The following OXR1 variants were observed in gnomAD, a reference collection of about 807,000 sequenced individuals.
The protein encoded by OXR1 is oxidation resistance 1.
OXR1 carries 41 observed loss-of-function variants against 104.6 expected under a neutral mutation model. The observed-to-expected ratio is 0.39, with a 90% CI of 0.31 to 0.51. The LOEUF (loss-of-function observed/expected upper bound fraction) is 0.51, where lower values mean the gene tolerates loss of function less well. Among genes scored for constraint, OXR1 ranks in the 20% least tolerant of loss-of-function variants. The pLI is 0.77. For synonymous variants in OXR1, 348 were observed against 348.4 expected (o/e 1.00, Z 0.01); for missense variants, 955 against 1,031.9 (o/e 0.93, Z 1.02).
At chr8:106,392,499 T>A (rs754235075) in intron 2 of OXR1, among the ~76,000 whole-genome samples, 6 of 152,064 alleles carry the variant, frequency 3.9e-5, no homozygotes, top group Non-Finnish European at 8.8e-5. Context: ...GGTAGAGACA[T>A]GAGGGAATAT....
intron 2 of OXR1, among the ~76,000 whole-genome samples, chr8:106,473,929 A>G (rs1026977414): frequency 6.8e-6 from 1 of 148,050 alleles, no homozygotes; most frequent in Non-Finnish European, 1.5e-5. Context: ...TTTAAAAGCA[A>G]AAGTTTACTT....
intron 3 of OXR1, among the ~76,000 whole-genome samples, chr8:106,584,147 G>A (rs1286102252): frequency 2.6e-5 from 4 of 151,934 alleles, no homozygotes; most frequent in Non-Finnish European, 2.9e-5. Context: ...GAAGTTAAAG[G>A]TATAATTGCA....
chr8:106,591,300 G>T, intron 3 of OXR1, among the ~76,000 whole-genome samples: 1 of 105,330 alleles, frequency 9.5e-6, no homozygotes, highest in Admixed American at 1.0e-4. Context: ...GGTGGGGGGA[G>T]GGGGGAGGGG....
intron 3 of OXR1, among the ~76,000 whole-genome samples, chr8:106,661,511 A>G (rs1825762577): frequency 6.6e-6 from 1 of 152,218 alleles, no homozygotes; most frequent in African/African-American, 2.4e-5. Flanking sequence ...TTGAACTTTA[A>G]ATATAGCTCT....
chr8:106,489,032 G>A (rs987042473), intron 2 of OXR1, among the ~76,000 whole-genome samples: 5 of 148,432 alleles, frequency 3.4e-5, no homozygotes, highest in African/African-American at 1.3e-4. Flanking sequence ...CCATTTTCAC[G>A]ATATTGATTC....
At chr8:106,694,529 G>GTT (rs934454277) in intron 7 of OXR1, among the ~76,000 whole-genome samples, 33 of 120,286 alleles carry the variant, frequency 2.7e-4, no homozygotes, top group African/African-American at 9.4e-4. Flanking sequence ...ATATAAATAT[G>GTT]TTTATATATA....
chr8:106,680,519 T>A (rs1193642655), intron 4 of OXR1, among the ~76,000 whole-genome samples: 1 of 152,134 alleles, frequency 6.6e-6, no homozygotes, highest in African/African-American at 2.4e-5. Context: ...AACTCTAATT[T>A]TTTATTGAAA....
chr8:106,432,923 T>C (rs576610242), intron 2 of OXR1, among the ~76,000 whole-genome samples: 1 of 152,260 alleles, frequency 6.6e-6, no homozygotes, highest in South Asian at 2.1e-4. Context: ...TGGATGCATC[T>C]TGTGGCAATT....
chr8:106,701,926 T>C (rs1480685704), intron 7 of OXR1, among the ~76,000 whole-genome samples: 3 of 152,222 alleles, frequency 2.0e-5, no homozygotes, highest in Admixed American at 6.5e-5. Context: ...ATTTATAAAG[T>C]AAGAAGGTTA....
intron 2 of OXR1, among the ~76,000 whole-genome samples, chr8:106,372,371 C>A (rs1254066280): frequency 6.6e-6 from 1 of 152,018 alleles, no homozygotes; most frequent in Non-Finnish European, 1.5e-5. Flanking sequence ...AACCTGGATA[C>A]CTTGGTTGCT....
intron 1 of OXR1, among the ~76,000 whole-genome samples, chr8:106,279,416 T>A (rs1480366964): frequency 6.6e-6 from 1 of 152,186 alleles, no homozygotes; most frequent in Non-Finnish European, 1.5e-5. Context: ...CATGCACACA[T>A]TATGTTTGTT....
intron 2 of OXR1, among the ~76,000 whole-genome samples, chr8:106,499,489 A>G (rs7459717): frequency 0.35 from 52,621 of 151,992 alleles, 11,259 homozygotes; most frequent in Non-Finnish European, 0.47. Context: ...TACAAATAGC[A>G]TAATAGATTC....
At chr8:106,382,514 A>G (rs1430010605) in intron 2 of OXR1, among the ~76,000 whole-genome samples, 1 of 152,036 alleles carries the variant, frequency 6.6e-6, no homozygotes, top group Non-Finnish European at 1.5e-5. Flanking sequence ...TCCCAGTCAC[A>G]GGCCTTCTGA....
chr8:106,714,934 G>A (rs973227983), intron 11 of OXR1, among the ~76,000 whole-genome samples: 1 of 152,030 alleles, frequency 6.6e-6, no homozygotes, highest in Non-Finnish European at 1.5e-5. Context: ...TACAGCATCA[G>A]TTTCTACTGT....
chr8:106,630,835 A>G (rs1306976955), intron 3 of OXR1, among the ~76,000 whole-genome samples: 1 of 152,178 alleles, frequency 6.6e-6, no homozygotes, highest in Non-Finnish European at 1.5e-5. Context: ...TGTTTCTAAC[A>G]CTTCTAGTTC....
intron 5 of OXR1, 67 bp downstream of exon 5, chr8:106,683,373 G>A (rs1828371380): frequency 1.7e-5 from 12 of 726,206 alleles, no homozygotes; most frequent in South Asian, 1.3e-4. Flanking sequence ...AGTATTTATT[G>A]TACTGTAGTT....
In OXR1 at chr8:106,339,537, T is replaced by TATATAC. The variant is rs1815145946; in HGVS notation, c.-138-19934_-138-19933insCATATA. On this transcript the variant is annotated intron_variant, in intron 1 of 16. Transcript: ENST00000517566. ...AAAAAAAAATATATATATATATATA[T>TATATAC]ATATATATATATATATATAAAACGA... Among the ~76,000 whole-genome samples the TATATAC allele has an allele frequency of 3.0e-5, 3 of 101,084 alleles. No homozygotes were observed. The South Asian group carries it at 8.9e-4, about 30-fold the overall frequency. The allele number at this position is 101,084 out of a possible 152,430, so 66.3% of individuals were successfully genotyped here.
At chr8:106,580,079 T>A (rs1210499562) in intron 3 of OXR1, among the ~76,000 whole-genome samples, 4 of 152,236 alleles carry the variant, frequency 2.6e-5, no homozygotes, top group Non-Finnish European at 4.4e-5. Flanking sequence ...GGCATGAGAA[T>A]AATTTCAACA....
At chr8:106,546,647 C>T (rs1815379802) in intron 3 of OXR1, among the ~76,000 whole-genome samples, 1 of 152,208 alleles carries the variant, frequency 6.6e-6, no homozygotes, top group African/African-American at 2.4e-5. Context: ...GTTAGGGGAA[C>T]AGTCAATGAT....
Sources: allele counts gnomAD v4.1 joint callset (sites outside exome capture counted in the v4.1 genomes callset), GRCh38; gene constraint gnomAD v4.1.1; transcripts MANE v1.5; gene names NCBI Gene and HGNC (gene_info 2026-07-23, HGNC 2026-07-21).